The following PCDHGA12 variants were observed in gnomAD, a reference collection of about 807,000 sequenced individuals.
The protein encoded by PCDHGA12 is protocadherin gamma subfamily A, 12.
In PCDHGA12, 43 loss-of-function variants were observed where a neutral mutation model predicts 61.1. The observed-to-expected ratio is 0.70, with a 90% CI of 0.55 to 0.91. The LOEUF (loss-of-function observed/expected upper bound fraction) is 0.91, where lower values mean the gene tolerates loss of function less well. PCDHGA12 is among the 40% of genes least tolerant of loss of function. The pLI, the probability that PCDHGA12 is intolerant of heterozygous loss-of-function variation, is 0.00. For synonymous variants in PCDHGA12, 520 were observed against 542.9 expected, an observed-to-expected ratio of 0.96 and a Z score of 0.59; for missense variants, 1,236 against 1,227.7, an observed-to-expected ratio of 1.01 and a Z score of -0.10.
intron 1 of PCDHGA12, chr5:141,478,025 A>G (rs939969624): frequency 1.9e-6 from 3 of 1,614,146 alleles, no homozygotes; most frequent in Non-Finnish European, 2.5e-6. Flanking sequence ...AGTCCAAGAC[A>G]CAGATTCACC....
Position 141,487,243 on chromosome 5 carries a change from C to T in PCDHGA12, c.2425-7564C>T. 1 of 1,614,114 alleles carries T rather than the reference C, an allele frequency of 6.2e-7. No individual in the cohort carries two copies. The highest frequency in any genetic ancestry group is 8.5e-7 in the Non-Finnish European group (1 of 1,180,000). Reference sequence around the variant, plus strand: ...CAAGGGAAGGAGAATCTCGTCTAACCCTCTACTTGGCTGTGTCCCTAGTGG... The same window carrying T: ...CAAGGGAAGGAGAATCTCGTCTAACTCTCTACTTGGCTGTGTCCCTAGTGG... On this transcript the variant is annotated intron_variant, in intron 1 of 3. Coordinates refer to ENST00000252085, the MANE Select transcript of PCDHGA12 (RefSeq NM_003735.3). The surrounding 1 kb of genome is among the most constrained non-coding windows in gnomAD (Gnocchi z 5.0).
intron 1 of PCDHGA12, among the ~76,000 whole-genome samples, chr5:141,492,435 C>T (rs191116850): frequency 8.5e-5 from 13 of 152,348 alleles, no homozygotes; most frequent in Admixed American, 8.5e-4. Context: ...CTCAGGAGTA[C>T]TCGTAGCTGA....
chr5:141,450,734 G>A (rs1365470415), intron 1 of PCDHGA12, among the ~76,000 whole-genome samples: 6 of 151,868 alleles, frequency 4.0e-5, no homozygotes, highest in South Asian at 2.1e-4. Context: ...TGATCCGCCC[G>A]CCTTGGCCTC....
intron 2 of PCDHGA12, among the ~76,000 whole-genome samples, chr5:141,504,563 C>G (rs1036149640): frequency 3.3e-5 from 5 of 149,436 alleles, no homozygotes; most frequent in African/African-American, 1.2e-4. Context: ...GACTGGCATT[C>G]TAGGGAACAC....
chr5:141,474,908 T>C (rs1016814167), intron 1 of PCDHGA12, among the ~76,000 whole-genome samples: 7 of 152,242 alleles, frequency 4.6e-5, no homozygotes, highest in African/African-American at 1.4e-4. Flanking sequence ...TGTTCAAGGA[T>C]ATACATCTCA....
Position 141,476,667 on chromosome 5 carries a change from T to C in PCDHGA12, c.2425-18140T>C. 6.2e-7 allele frequency: 1 copy of C among 1,614,234 alleles called. No individual in the cohort carries two copies. Among genetic ancestry groups the C allele is most frequent in the Non-Finnish European group, 8.5e-7 (1 of 1,180,042 alleles). ...CGAAATGAATACTTTGCGCTTCGCG[T>C]GCAGACGCGGGAGGACAGCACCAAG... On this transcript the variant is annotated intron_variant, in intron 1 of 3. Transcript: ENST00000252085. The surrounding 1 kb of genome is among the most constrained non-coding windows in gnomAD (Gnocchi z 7.6).
At chr5:141,468,140 C>T (rs910524133) in intron 1 of PCDHGA12, among the ~76,000 whole-genome samples, 3 of 151,942 alleles carry the variant, frequency 2.0e-5, no homozygotes, top group African/African-American at 7.2e-5. Flanking sequence ...GCCTGGCCAA[C>T]ATGGTGAAAC....
chr5:141,488,915 G>A (rs942297924), intron 1 of PCDHGA12, among the ~76,000 whole-genome samples: 12 of 152,180 alleles, frequency 7.9e-5, no homozygotes, highest in Non-Finnish European at 2.9e-5. Flanking sequence ...TGTTCCCAAG[G>A]TTTCCAGGAT....
intron 1 of PCDHGA12, among the ~76,000 whole-genome samples, chr5:141,457,968 G>A (rs919621979): frequency 6.6e-6 from 1 of 152,120 alleles, no homozygotes; most frequent in African/African-American, 2.4e-5. Context: ...TTCCTTAAAG[G>A]GAAACACACC....
chr5:141,501,343 C>T (rs1202291965), intron 2 of PCDHGA12, among the ~76,000 whole-genome samples: 1 of 150,430 alleles, frequency 6.6e-6, no homozygotes, highest in Non-Finnish European at 1.5e-5. Context: ...ACCCCAAACT[C>T]AATAGGGCAA....
At position 141,476,387 on chromosome 5, in the gene PCDHGA12, C is replaced by T. The variant is rs147660262; in HGVS notation, c.2425-18420C>T. The T allele has an allele frequency of 6.2e-6, 10 of 1,613,958 alleles. No homozygotes were observed. Among genetic ancestry groups the T allele is most frequent in the Non-Finnish European group, 7.6e-6 (9 of 1,180,032 alleles). ...GACCGGAGAGATGTTTGTGAACGAC[C>T]GTCTGGATCGAGAGGAGCTGTGTGG... On this transcript the variant is annotated intron_variant, in intron 1 of 3. Coordinates refer to ENST00000252085, the MANE Select transcript of PCDHGA12 (RefSeq NM_003735.3). This position sits in a 1 kb window ranked among gnomAD's most constrained non-coding sequence, Gnocchi z 7.6.
rs866710706 is a variant in PCDHGA12, at chr5:141,485,167, G to A, written c.2425-9640G>A. On this transcript the variant is annotated intron_variant, in intron 1 of 3. Transcript: ENST00000252085. The surrounding 1 kb of genome is among the most constrained non-coding windows in gnomAD (Gnocchi z 5.7). ...AGGAGCAAGTAGAGAATTAGCGGGC[G>A]GCAGCAATGCTCCGCAAGGTGAGAA... The A allele has an allele frequency of 6.2e-7, 1 of 1,608,386 alleles. No homozygotes were observed.
chr5:141,436,501 G>A (rs1382579407), intron 1 of PCDHGA12, among the ~76,000 whole-genome samples: 1 of 152,118 alleles, frequency 6.6e-6, no homozygotes, highest in Admixed American at 6.5e-5. Context: ...TTGCAATTAG[G>A]TAAATTGTTA....
At position 141,476,668 on chromosome 5, in the gene PCDHGA12, G is replaced by A; in HGVS notation, c.2425-18139G>A. The A allele has an allele frequency of 6.2e-7, 1 of 1,614,262 alleles. No individual in the cohort carries two copies. Among genetic ancestry groups the A allele is most frequent in the Non-Finnish European group, 8.5e-7 (1 of 1,180,054 alleles). On this transcript the variant is annotated intron_variant, in intron 1 of 3. Transcript: ENST00000252085. This position sits in a 1 kb window ranked among gnomAD's most constrained non-coding sequence, Gnocchi z 7.6. ...GAAATGAATACTTTGCGCTTCGCGT[G>A]CAGACGCGGGAGGACAGCACCAAGT...
At chr5:141,455,438 C>G (rs1350941007) in intron 1 of PCDHGA12, among the ~76,000 whole-genome samples, 1 of 152,082 alleles carries the variant, frequency 6.6e-6, no homozygotes, top group Non-Finnish European at 1.5e-5. Context: ...GAGGAGGTCC[C>G]CATCTACCGC....
At chr5:141,453,922 T>C (rs2098777315) in intron 1 of PCDHGA12, among the ~76,000 whole-genome samples, 1 of 152,230 alleles carries the variant, frequency 6.6e-6, no homozygotes, top group African/African-American at 2.4e-5. Context: ...CAGTGATCAG[T>C]CACTGTGTGC....
At chr5:141,450,004 C>CTTTAT (rs2098662217) in intron 1 of PCDHGA12, among the ~76,000 whole-genome samples, 1 of 75,148 alleles carries the variant, frequency 1.3e-5, no homozygotes, top group Non-Finnish European at 2.3e-5. Flanking sequence ...GTTGCCATGT[C>CTTTAT]TCTTTTTTTT....
chr5:141,477,158 A>G lies in PCDHGA12; in HGVS notation c.2425-17649A>G, dbSNP rs1476516538. 1.2e-6 allele frequency: 2 copies of G among 1,614,154 alleles called. No individual in the cohort carries two copies. Among genetic ancestry groups the G allele is most frequent in the Non-Finnish European group, 1.7e-6 (2 of 1,180,018 alleles). ...GGTGGAGGTTGTGGATGTGAATGACAACGCCCCGGAGATCACAGTCACCTC... is the reference window on the plus strand; with the variant it reads ...GGTGGAGGTTGTGGATGTGAATGACGACGCCCCGGAGATCACAGTCACCTC... On this transcript the variant is annotated intron_variant, in intron 1 of 3. Coordinates refer to ENST00000252085, the MANE Select transcript of PCDHGA12 (RefSeq NM_003735.3). This position sits in a 1 kb window ranked among gnomAD's most constrained non-coding sequence, Gnocchi z 4.9.
intron 1 of PCDHGA12, among the ~76,000 whole-genome samples, chr5:141,455,460 A>G (rs1175234914): frequency 1.3e-5 from 2 of 152,186 alleles, no homozygotes; most frequent in Non-Finnish European, 2.9e-5. Flanking sequence ...GATACCAGCC[A>G]GGTATATATG....
Sources: allele counts gnomAD v4.1 joint callset (sites outside exome capture counted in the v4.1 genomes callset), GRCh38; gene constraint gnomAD v4.1.1; non-coding constraint Gnocchi (gnomAD v3.1); transcripts MANE v1.5; gene names NCBI Gene and HGNC (gene_info 2026-07-23, HGNC 2026-07-21).